The following PTPRD variants were observed in gnomAD, a reference collection of about 807,000 sequenced individuals.
PTPRD encodes the protein protein tyrosine phosphatase receptor type D.
A neutral mutation model predicts 214.5 loss-of-function variants in PTPRD; 34 were observed. The observed-to-expected ratio is 0.16, with a 90% CI of 0.12 to 0.21. The LOEUF is 0.21. Among genes scored for constraint, PTPRD ranks in the 10% least tolerant of loss-of-function variants. The pLI, the probability that PTPRD is intolerant of heterozygous loss-of-function variation, is 1.00. For missense variants in PTPRD, 2,545 were observed against 2,398.7 expected, an observed-to-expected ratio of 1.06 and a Z score of -1.27; for synonymous variants, 1,128 against 845.7, an observed-to-expected ratio of 1.33 and a Z score of -5.79.
intron 14 of PTPRD, among the ~76,000 whole-genome samples, chr9:8,539,033 T>C (rs1021087505): frequency 6.6e-6 from 1 of 151,918 alleles, no homozygotes; most frequent in Non-Finnish European, 1.5e-5. Flanking sequence ...GAAAGGTATA[T>C]ACTAAATGTA....
chr9:8,796,616 A>G (rs2096432764), intron 11 of PTPRD, among the ~76,000 whole-genome samples: 1 of 152,168 alleles, frequency 6.6e-6, no homozygotes, highest in African/African-American at 2.4e-5. Flanking sequence ...GTAACTTAAA[A>G]GCCATAACTT....
intron 11 of PTPRD, among the ~76,000 whole-genome samples, chr9:8,795,051 A>T (rs1213699807): frequency 6.6e-6 from 1 of 152,176 alleles, no homozygotes; most frequent in Non-Finnish European, 1.5e-5. Context: ...AGCCTCAAAA[A>T]TGGAACCTTT....
intron 8 of PTPRD, among the ~76,000 whole-genome samples, chr9:9,521,878 C>T (rs1177143324): frequency 6.6e-6 from 1 of 152,052 alleles, no homozygotes; most frequent in Non-Finnish European, 1.5e-5. Flanking sequence ...TCTGTTCTGG[C>T]CAGGTGCAGT....
intron 10 of PTPRD, among the ~76,000 whole-genome samples, chr9:9,171,792 A>T (rs1229184269): frequency 6.6e-6 from 1 of 152,132 alleles, no homozygotes; most frequent in African/African-American, 2.4e-5. Context: ...CTTGGCATGG[A>T]TTCTATAATG....
intron 11 of PTPRD, among the ~76,000 whole-genome samples, chr9:8,819,684 T>A (rs971698693): frequency 1.3e-5 from 2 of 152,084 alleles, no homozygotes; most frequent in African/African-American, 4.8e-5. Context: ...TTTGTGAAAC[T>A]TGGGGCAATT....
chr9:9,101,047 A>G (rs990020582), intron 10 of PTPRD, among the ~76,000 whole-genome samples: 1 of 152,124 alleles, frequency 6.6e-6, no homozygotes, highest in African/African-American at 2.4e-5. Context: ...ATGTTTAAAA[A>G]TCAGCACATA....
intron 2 of PTPRD, among the ~76,000 whole-genome samples, chr9:10,433,465 T>G (rs926431435): frequency 2.0e-5 from 3 of 151,962 alleles, no homozygotes; most frequent in African/African-American, 7.2e-5. Flanking sequence ...CAATTTCTGA[T>G]AGGGATATCC....
At chr9:8,851,822 G>A (rs1238520289) in intron 11 of PTPRD, among the ~76,000 whole-genome samples, 1 of 151,780 alleles carries the variant, frequency 6.6e-6, no homozygotes, top group Admixed American at 6.6e-5. Context: ...CAGATAATAA[G>A]TGGCAGAACT....
At chr9:9,923,121 GGGGTGT>G (rs1469553952) in intron 5 of PTPRD, among the ~76,000 whole-genome samples, 1 of 45,340 alleles carries the variant, frequency 2.2e-5, no homozygotes, top group Admixed American at 2.6e-4. Context: ...GTGTGTGTGG[GGGGTGT>G]GTGTGTGTGT....
At chr9:9,242,436 G>A (rs2099970826) in intron 9 of PTPRD, among the ~76,000 whole-genome samples, 1 of 152,178 alleles carries the variant, frequency 6.6e-6, no homozygotes. Context: ...ATCCTGCAGA[G>A]TGTTTTCCAA....
Position 8,316,170 on chromosome 9 carries a change from A to C in PTPRD, c.*1704T>G, listed in dbSNP as rs1256436505. On this transcript the variant is annotated 3_prime_UTR_variant, in exon 46 of 46. Transcript: ENST00000381196. ...TATCCAAGTGCTTTGGGCTGGTACA[A>C]TCACTAACATCCCCGACTTGGCTGA... 1 of 229,764 alleles carries C rather than the reference A, an allele frequency of 4.4e-6. No homozygotes were observed. Among genetic ancestry groups the C allele is most frequent in the Non-Finnish European group, 8.6e-6 (1 of 115,696 alleles). 14.2% of individuals were successfully genotyped at this position (229,764 alleles called of 1,614,324 possible).
intron 3 of PTPRD, among the ~76,000 whole-genome samples, chr9:10,087,137 G>GT (rs5896366): frequency 0.2 from 29,546 of 146,450 alleles, 2,941 homozygotes; most frequent in South Asian, 0.3. Context: ...ATGTTTTAGA[G>GT]TTTTTTTTTT....
intron 11 of PTPRD, among the ~76,000 whole-genome samples, chr9:8,920,569 T>C (rs904069440): frequency 6.6e-6 from 1 of 152,132 alleles, no homozygotes; most frequent in Non-Finnish European, 1.5e-5. Flanking sequence ...CTAACACTAA[T>C]GATAGCTGAT....
intron 9 of PTPRD, among the ~76,000 whole-genome samples, chr9:9,390,913 T>C (rs2065610935): frequency 6.6e-6 from 1 of 152,194 alleles, no homozygotes; most frequent in African/African-American, 2.4e-5. Context: ...AGGCAAGTGT[T>C]TGTTGTCATT....
chr9:10,178,327 C>A (rs2099261539), intron 3 of PTPRD, among the ~76,000 whole-genome samples: 1 of 151,324 alleles, frequency 6.6e-6, no homozygotes, highest in Non-Finnish European at 1.5e-5. Context: ...TGTCACTGGA[C>A]CAGACAGTTG....
At chr9:8,696,890 C>T (rs909957858) in intron 12 of PTPRD, among the ~76,000 whole-genome samples, 25 of 152,180 alleles carry the variant, frequency 1.6e-4, no homozygotes, top group Non-Finnish European at 1.5e-5. Flanking sequence ...CGACAAACAT[C>T]ACAGCTACAC....
At chr9:10,027,400 A>G (rs2096945960) in intron 4 of PTPRD, among the ~76,000 whole-genome samples, 1 of 152,192 alleles carries the variant, frequency 6.6e-6, no homozygotes, top group African/African-American at 2.4e-5. Flanking sequence ...TCCCTAGTTC[A>G]CAAACATGGC....
chr9:10,146,704 C>G (rs16931178), intron 3 of PTPRD, among the ~76,000 whole-genome samples: 5,983 of 152,152 alleles, frequency 0.039, 313 homozygotes, highest in African/African-American at 0.12. Context: ...AAGAAGCCGA[C>G]CGAGCACTGT....
intron 44 of PTPRD, among the ~76,000 whole-genome samples, chr9:8,327,712 G>A (rs1233625569): frequency 1.3e-5 from 2 of 152,012 alleles, no homozygotes; most frequent in Non-Finnish European, 2.9e-5. Flanking sequence ...TTATGAATCT[G>A]CATGCTCCTG....
Sources: gnomAD v4.1 joint callset for allele counts (sites outside exome capture counted in the v4.1 genomes callset) on GRCh38, gnomAD v4.1.1 for gene constraint, MANE v1.5 for transcripts, NCBI Gene and HGNC (gene_info 2026-07-23, HGNC 2026-07-21) for gene names.